EVI5: variants seen among roughly 807,000 people sequenced by gnomAD.
EVI5 encodes ecotropic viral integration site 5 protein homolog.
A neutral mutation model predicts 112.0 loss-of-function variants in EVI5; 73 were observed. The ratio of observed to expected loss-of-function variants is 0.65; its 90% confidence interval spans 0.54 to 0.79. EVI5 has a LOEUF of 0.79. Ranked by LOEUF, EVI5 falls within the 30% of genes least tolerant of loss-of-function variation. EVI5 has a pLI of 0.00. For missense variants in EVI5, 900 were observed against 968.8 expected (o/e 0.93, Z 0.94); for synonymous variants, 305 against 319.9 (o/e 0.95, Z 0.50).
At position 92,614,441 on chromosome 1, in the gene EVI5, G is replaced by T. The variant is rs186178171; in HGVS notation, c.1828-6714C>A. Among the ~76,000 whole-genome samples the T allele has an allele frequency of 1.1e-4, 17 of 152,294 alleles. No homozygotes were observed. The East Asian group carries it at 3.1e-3, about 28-fold the overall frequency. ...ACTTGATTGGATTGAAGGATATAAAGTATTGATCCTGTGTGTGTCTGTGAG... is the reference window on the plus strand; with the variant it reads ...ACTTGATTGGATTGAAGGATATAAATTATTGATCCTGTGTGTGTCTGTGAG... On this transcript the variant is annotated intron_variant, in intron 16 of 19. Coordinates refer to ENST00000684568, the MANE Select transcript of EVI5 (RefSeq NM_001350197.2).
rs183286133 is a variant in EVI5, at chr1:92,593,369, A to G, written c.2070+11938T>C. ...AAAAGGCCTCTGACAAAATTCAACA[A>G]CCCTTCATGCTAAAAACTCTCAATA... On this transcript the variant is annotated intron_variant, in intron 18 of 19. Coordinates refer to ENST00000684568, the MANE Select transcript of EVI5 (RefSeq NM_001350197.2). Among the ~76,000 whole-genome samples, 287 of 152,242 alleles carry G rather than the reference A, an allele frequency of 1.9e-3. 1 individual carries two copies. The highest frequency in any genetic ancestry group is 6.7e-3 in the African/African-American group (277 of 41,560).
intron 2 of EVI5, among the ~76,000 whole-genome samples, chr1:92,710,295 A>G (rs928908127): frequency 6.6e-6 from 1 of 151,768 alleles, no homozygotes; most frequent in Admixed American, 6.6e-5. Flanking sequence ...GTGTGCCATG[A>G]TTGCACTGCA....
intron 1 of EVI5, among the ~76,000 whole-genome samples, chr1:92,742,991 G>A (rs1678655362): frequency 6.6e-6 from 1 of 152,176 alleles, no homozygotes; most frequent in South Asian, 2.1e-4. Context: ...ACAACCAAGT[G>A]TACATCAATG....
At chr1:92,756,238 TC>T in intron 1 of EVI5, 1 of 427,150 alleles carries the variant, frequency 2.3e-6, no homozygotes, top group Non-Finnish European at 4.7e-6. Context: ...ACCTCCGCCT[TC>T]CAACAGCTGC....
At chr1:92,620,606 T>G (rs933399083) in intron 16 of EVI5, among the ~76,000 whole-genome samples, 2 of 152,210 alleles carry the variant, frequency 1.3e-5, no homozygotes, top group Non-Finnish European at 2.9e-5. Flanking sequence ...GACAAGAAGA[T>G]AGCAGAGTGA....
intron 1 of EVI5, among the ~76,000 whole-genome samples, chr1:92,742,353 C>T (rs1442550735): frequency 6.6e-6 from 1 of 151,996 alleles, no homozygotes; most frequent in Non-Finnish European, 1.5e-5. Context: ...AGCCACTGTG[C>T]CCAGCTAACA....
At chr1:92,766,440 ATATAT>A (rs1448493533) in intron 1 of EVI5, among the ~76,000 whole-genome samples, 1 of 152,166 alleles carries the variant, frequency 6.6e-6, no homozygotes, top group Non-Finnish European at 1.5e-5. Flanking sequence ...AAAATATAGC[ATATAT>A]TATATGAATT....
intron 14 of EVI5, among the ~76,000 whole-genome samples, chr1:92,626,836 A>G (rs957738327): frequency 5.3e-5 from 8 of 152,250 alleles, no homozygotes; most frequent in African/African-American, 1.9e-4. Flanking sequence ...CATAGAAAAT[A>G]GTAGTCCAAA....
intron 10 of EVI5, among the ~76,000 whole-genome samples, chr1:92,673,201 T>TTTC (rs1477124941): frequency 3.0e-4 from 46 of 151,448 alleles, no homozygotes; most frequent in African/African-American, 9.4e-4. Flanking sequence ...TTTTTTTTTT[T>TTTC]TCATTTTTAT....
chr1:92,678,186 G>A (rs1417996476), intron 9 of EVI5, among the ~76,000 whole-genome samples: 1 of 152,080 alleles, frequency 6.6e-6, no homozygotes, highest in Non-Finnish European at 1.5e-5. Flanking sequence ...ATATGTGCAT[G>A]TACCCCCTGA....
intron 10 of EVI5, among the ~76,000 whole-genome samples, chr1:92,672,395 C>G (rs1666025503): frequency 6.6e-6 from 1 of 152,202 alleles, no homozygotes; most frequent in South Asian, 2.1e-4. Context: ...CTGCTCCTCA[C>G]CAGGCACACC....
intron 6 of EVI5, among the ~76,000 whole-genome samples, chr1:92,696,766 C>A (rs914975662): frequency 6.6e-6 from 1 of 152,118 alleles, no homozygotes; most frequent in Admixed American, 6.5e-5. Context: ...CCAGGCACAG[C>A]GGTGGCTCAC....
chr1:92,688,147 T>A (rs1198708234), intron 9 of EVI5, among the ~76,000 whole-genome samples: 3 of 152,140 alleles, frequency 2.0e-5, no homozygotes, highest in African/African-American at 7.2e-5. Context: ...TGTCCATCAA[T>A]GATAGACTGG....
At chr1:92,684,160 G>A (rs142203334) in intron 9 of EVI5, among the ~76,000 whole-genome samples, 1,690 of 152,130 alleles carry the variant, frequency 0.011, 15 homozygotes, top group Admixed American at 0.02. Flanking sequence ...GAGAAAGGTC[G>A]GGTTACCCAC....
At chr1:92,780,428 A>T (rs1442074658) in intron 1 of EVI5, among the ~76,000 whole-genome samples, 1 of 132,122 alleles carries the variant, frequency 7.6e-6, no homozygotes, top group Non-Finnish European at 1.6e-5. Flanking sequence ...GATGAAAAGC[A>T]GCCCCTGCCC....
intron 18 of EVI5, among the ~76,000 whole-genome samples, chr1:92,585,977 G>A (rs1345343931): frequency 1.3e-5 from 2 of 151,896 alleles, no homozygotes; most frequent in African/African-American, 2.4e-5. Flanking sequence ...GATCTTGTCA[G>A]CCTTGAGTCA....
At chr1:92,673,125 T>A (rs2102280989) in intron 10 of EVI5, among the ~76,000 whole-genome samples, 1 of 152,068 alleles carries the variant, frequency 6.6e-6, no homozygotes, top group East Asian at 1.9e-4. Flanking sequence ...TGAGCTTCAA[T>A]TCTAATACTT....
chr1:92,720,382 A>C (rs931346776), intron 2 of EVI5, among the ~76,000 whole-genome samples: 1 of 151,970 alleles, frequency 6.6e-6, no homozygotes, highest in Non-Finnish European at 1.5e-5. Flanking sequence ...CACATCTACA[A>C]CCATCTGCTC....
intron 1 of EVI5, among the ~76,000 whole-genome samples, chr1:92,779,323 G>T (rs1477531319): frequency 2.6e-5 from 4 of 152,128 alleles, no homozygotes; most frequent in African/African-American, 2.4e-5. Context: ...AGGAGTTCAA[G>T]ACCAGCCTGG....
Sources: gnomAD v4.1 joint callset for allele counts (sites outside exome capture counted in the v4.1 genomes callset) on GRCh38, gnomAD v4.1.1 for gene constraint, MANE v1.5 for transcripts, NCBI Gene and HGNC (gene_info 2026-07-23, HGNC 2026-07-21) for gene names.